Variants in NDUFAF2 observed in about 807,000 individuals in gnomAD.
The protein encoded by NDUFAF2 is NADH:ubiquinone oxidoreductase complex assembly factor 2, also known as NADH dehydrogenase [ubiquinone] 1 alpha subcomplex assembly factor 2.
Under a neutral mutation model 22.8 loss-of-function variants are expected in NDUFAF2, and 13 were observed. The ratio of observed to expected loss-of-function variants is 0.57; its 90% CI spans 0.37 to 0.91. NDUFAF2 has a LOEUF of 0.91. NDUFAF2 is among the 40% of genes least tolerant of loss of function. The pLI, the probability that NDUFAF2 is intolerant of heterozygous loss-of-function variation, is 0.01. For synonymous variants in NDUFAF2, 53 were observed against 64.2 expected, an observed-to-expected ratio of 0.83 and a Z score of 0.84; for missense variants, 162 against 195.2, an observed-to-expected ratio of 0.83 and a Z score of 1.01.
intron 1 of NDUFAF2, among the ~76,000 whole-genome samples, chr5:61,013,759 A>T (rs576711785): frequency 2.2e-4 from 33 of 151,442 alleles, no homozygotes; most frequent in African/African-American, 7.8e-4. Flanking sequence ...AGAATGTGTG[A>T]TAATAAAATA....
chr5:60,953,544 T>C (rs1239087693), intron 1 of NDUFAF2, among the ~76,000 whole-genome samples: 1 of 152,124 alleles, frequency 6.6e-6, no homozygotes, highest in Non-Finnish European at 1.5e-5. Flanking sequence ...TTCAGTAGCC[T>C]CCTGAGAAGA....
intron 3 of NDUFAF2, among the ~76,000 whole-genome samples, chr5:61,136,850 C>T (rs1740969898): frequency 6.6e-6 from 1 of 152,150 alleles, no homozygotes; most frequent in African/African-American, 2.4e-5. Flanking sequence ...CAATTTCTCA[C>T]TAAGGCTCAC....
At chr5:61,056,147 G>T (rs1752084352) in intron 1 of NDUFAF2, among the ~76,000 whole-genome samples, 1 of 152,152 alleles carries the variant, frequency 6.6e-6, no homozygotes, top group Admixed American at 6.5e-5. Context: ...TAAGAATAAA[G>T]AATTGTTCAA....
chr5:60,975,393 C>T (rs139131772), intron 1 of NDUFAF2, among the ~76,000 whole-genome samples: 4 of 151,724 alleles, frequency 2.6e-5, no homozygotes, highest in Non-Finnish European at 5.9e-5. Flanking sequence ...GCAGGAGCAA[C>T]TAGATATAAA....
chr5:61,070,674 C>T (rs1752286002), intron 1 of NDUFAF2, among the ~76,000 whole-genome samples: 1 of 151,234 alleles, frequency 6.6e-6, no homozygotes, highest in Admixed American at 6.6e-5. Context: ...TTTTTTAAAT[C>T]CTTGGGAGAC....
At chr5:61,127,557 A>AC (rs1306508622) in intron 3 of NDUFAF2, among the ~76,000 whole-genome samples, 6 of 152,174 alleles carry the variant, frequency 3.9e-5, no homozygotes, top group African/African-American at 1.4e-4. Flanking sequence ...ATAGATGCAG[A>AC]AAAGGCCTTC....
At chr5:61,001,747 T>C (rs916071572) in intron 1 of NDUFAF2, among the ~76,000 whole-genome samples, 4 of 152,142 alleles carry the variant, frequency 2.6e-5, no homozygotes, top group Non-Finnish European at 2.9e-5. Context: ...CTCTTTTAGG[T>C]ACTAACCTCA....
intron 1 of NDUFAF2, among the ~76,000 whole-genome samples, chr5:61,043,707 G>A (rs954888584): frequency 6.7e-6 from 1 of 148,964 alleles, no homozygotes; most frequent in Non-Finnish European, 1.5e-5. Flanking sequence ...GTGTGTATGT[G>A]TGTGTGTGTG....
chr5:61,024,629 A>G (rs903373445), intron 1 of NDUFAF2, among the ~76,000 whole-genome samples: 1 of 152,098 alleles, frequency 6.6e-6, no homozygotes, highest in Non-Finnish European at 1.5e-5. Flanking sequence ...TAGTTAGCAC[A>G]TGGCAGAGCT....
chr5:61,068,931 T>G (rs1387658097), intron 1 of NDUFAF2, among the ~76,000 whole-genome samples: 1 of 152,280 alleles, frequency 6.6e-6, no homozygotes, highest in Non-Finnish European at 1.5e-5. Context: ...AATCCTGATA[T>G]CTGTTTGCTA....
At chr5:61,017,389 CT>C (rs33980282) in intron 1 of NDUFAF2, among the ~76,000 whole-genome samples, 92,680 of 150,868 alleles carry the variant, frequency 0.61, 28,882 homozygotes, top group East Asian at 0.94. Context: ...TTTGGGCACA[CT>C]TTTTTTTTTA....
At position 61,035,424 on chromosome 5, in the gene NDUFAF2, G is replaced by GTTTTTT. The variant is rs768889484; in HGVS notation, c.128-37678_128-37673dup. ...GACAACTCTCTTTCTCTCTTGCTCT[G>GTTTTTT]TTTTTTTTTTTTTTTTTTTTTTTTT... On this transcript the variant is annotated intron_variant, in intron 1 of 3. Coordinates refer to ENST00000296597, the MANE Select transcript of NDUFAF2 (RefSeq NM_174889.5). 1.0e-3 allele frequency among the ~76,000 whole-genome samples: 41 copies of GTTTTTT among 40,528 alleles called. 2 individuals are homozygous for GTTTTTT. Among genetic ancestry groups the GTTTTTT allele is most frequent in the African/African-American group, 2.3e-3 (23 of 9,990 alleles). 26.6% of individuals were successfully genotyped at this position (40,528 alleles called of 152,430 possible). A position where few individuals can be genotyped will look rare whatever the true frequency, so the allele number is the denominator to read the frequency against.
At chr5:61,045,095 A>T (rs1751932401) in intron 1 of NDUFAF2, among the ~76,000 whole-genome samples, 1 of 141,416 alleles carries the variant, frequency 7.1e-6, no homozygotes. Context: ...AAATAAAATA[A>T]AGTTTTATTA....
chr5:61,033,924 G>A (rs1391119004), intron 1 of NDUFAF2, among the ~76,000 whole-genome samples: 3 of 152,064 alleles, frequency 2.0e-5, no homozygotes, highest in Non-Finnish European at 4.4e-5. Context: ...AATAGCTGAC[G>A]TTATTTTCAT....
At chr5:60,973,807 C>T (rs545776260) in intron 1 of NDUFAF2, among the ~76,000 whole-genome samples, 30 of 152,040 alleles carry the variant, frequency 2.0e-4, no homozygotes, top group Admixed American at 8.5e-4. Flanking sequence ...TTTTTCTTCC[C>T]GGAGGTTATT....
chr5:61,093,005 T>A (rs1258439103), intron 2 of NDUFAF2, among the ~76,000 whole-genome samples: 1 of 152,212 alleles, frequency 6.6e-6, no homozygotes, highest in Non-Finnish European at 1.5e-5. Context: ...AATCTGCAGC[T>A]GAAGGCCCAA....
intron 1 of NDUFAF2, among the ~76,000 whole-genome samples, chr5:61,056,380 G>A (rs977377253): frequency 9.9e-5 from 15 of 152,162 alleles, no homozygotes; most frequent in Admixed American, 3.3e-4. Context: ...CAAGATTAAT[G>A]GTCTTTTTGC....
intron 1 of NDUFAF2, among the ~76,000 whole-genome samples, chr5:61,072,689 CG>C (rs1205243955): frequency 6.6e-6 from 1 of 152,088 alleles, no homozygotes; most frequent in Non-Finnish European, 1.5e-5. Flanking sequence ...CTCTGCCTCC[CG>C]GGCTCAAGTG....
chr5:61,002,407 G>A (rs1338027577), intron 1 of NDUFAF2, among the ~76,000 whole-genome samples: 2 of 152,028 alleles, frequency 1.3e-5, no homozygotes, highest in Admixed American at 6.6e-5. Flanking sequence ...TCCTGAAAAC[G>A]TGATTTTATA....
Sources: allele counts gnomAD v4.1 joint callset (sites outside exome capture counted in the v4.1 genomes callset), GRCh38; gene constraint gnomAD v4.1.1; transcripts MANE v1.5; gene names NCBI Gene and HGNC (gene_info 2026-07-23, HGNC 2026-07-21).